Variants in FANCL observed in about 807,000 individuals in gnomAD.
The protein encoded by FANCL is FA complementation group L.
Under a neutral mutation model 59.4 loss-of-function variants are expected in FANCL, and 69 were observed. The observed-to-expected ratio is 1.16, with a 90% confidence interval of 0.96 to 1.42. FANCL has a LOEUF of 1.42. FANCL is among the 40% of genes most tolerant of loss of function. The probability of loss-of-function intolerance (pLI) is 0.00; values close to 1 mark genes in which losing one functional copy is unlikely to be tolerated. For synonymous variants in FANCL, 180 were observed against 147.1 expected, an observed-to-expected ratio of 1.22 and a Z score of -1.62; for missense variants, 519 against 447.2, an observed-to-expected ratio of 1.16 and a Z score of -1.45.
intron 5 of FANCL, among the ~76,000 whole-genome samples, chr2:58,205,296 T>G (rs890015737): frequency 1.3e-5 from 2 of 152,074 alleles, no homozygotes; most frequent in Non-Finnish European, 2.9e-5. Context: ...TCTGAAGATA[T>G]CTATCTTCAA....
At chr2:58,204,352 A>G in intron 5 of FANCL, 126 bp from the exon 6 acceptor site, 2 of 774,016 alleles carry the variant, frequency 2.6e-6, no homozygotes, top group Admixed American at 1.9e-5. Context: ...AAATCAGAGC[A>G]ATTTCTGCAT....
rs1684714907 is a variant in FANCL, at chr2:58,159,450, ATT to A, written c.*313_*314del. ...TCAGCTATACACAATTCCCAAACTC[ATT>A]TTATGAGCCTCATCAAGATTTTACC... On this transcript the variant is annotated 3_prime_UTR_variant, in exon 14 of 14. Transcript: ENST00000233741. 2 of 1,613,648 alleles carry A rather than the reference ATT, an allele frequency of 1.2e-6. No individual in the cohort carries two copies. Among genetic ancestry groups the A allele is most frequent in the Non-Finnish European group, 1.7e-6 (2 of 1,179,692 alleles).
chr2:58,232,937 C>G (rs1341475657), intron 1 of FANCL, among the ~76,000 whole-genome samples: 1 of 151,870 alleles, frequency 6.6e-6, no homozygotes, highest in African/African-American at 2.4e-5. Flanking sequence ...AAAACAATTA[C>G]CATGTGGAAT....
intron 5 of FANCL, among the ~76,000 whole-genome samples, chr2:58,205,059 CTTATAAAGATAAAAA>C (rs1690452256): frequency 6.6e-6 from 1 of 152,020 alleles, no homozygotes; most frequent in South Asian, 2.1e-4. Flanking sequence ...ATGCTATTCT[CTTATAAAGATAAAAA>C]GTAGTCTAAG....
Position 58,214,761 on chromosome 2 carries a change from C to T in FANCL, c.374+7181G>A, listed in dbSNP as rs551146891. 3.9e-5 allele frequency among the ~76,000 whole-genome samples: 6 copies of T among 152,218 alleles called. No homozygotes were observed. In the South Asian group the frequency reaches 8.3e-4, roughly 21 times the overall value. On this transcript the variant is annotated intron_variant, in intron 5 of 13. Coordinates refer to ENST00000233741, the MANE Select transcript of FANCL (RefSeq NM_018062.4). Reference sequence around the variant, plus strand: ...TCCTGAGCTCAAGTGATCTGCCCCACCTCAGCCCCCCAAAGTACTGGGATT... The same window carrying T: ...TCCTGAGCTCAAGTGATCTGCCCCATCTCAGCCCCCCAAAGTACTGGGATT...
chr2:58,221,548 T>G (rs918642770), intron 5 of FANCL, among the ~76,000 whole-genome samples: 3 of 152,168 alleles, frequency 2.0e-5, no homozygotes, highest in African/African-American at 7.2e-5. Flanking sequence ...ATATGTAAAT[T>G]TAGACATGCC....
chr2:58,164,573 C>T (rs867904428), intron 8 of FANCL, among the ~76,000 whole-genome samples: 10 of 151,556 alleles, frequency 6.6e-5, no homozygotes, highest in African/African-American at 2.4e-4. Flanking sequence ...CTTAAGAAAG[C>T]AAATCATGCC....
At chr2:58,189,175 G>C (rs1688690303) in intron 7 of FANCL, among the ~76,000 whole-genome samples, 2 of 152,118 alleles carry the variant, frequency 1.3e-5, no homozygotes, top group East Asian at 1.9e-4. Flanking sequence ...TTATTATCCT[G>C]ATTGTGGTGA....
At chr2:58,166,133 T>C (rs1354557726) in intron 7 of FANCL, among the ~76,000 whole-genome samples, 1 of 137,424 alleles carries the variant, frequency 7.3e-6, no homozygotes, top group African/African-American at 2.9e-5. Flanking sequence ...TTATAATGCT[T>C]GATATACTAC....
At chr2:58,183,217 A>C (rs1172030862) in intron 7 of FANCL, among the ~76,000 whole-genome samples, 1 of 151,910 alleles carries the variant, frequency 6.6e-6, no homozygotes, top group African/African-American at 2.4e-5. Context: ...GAAAAAAATG[A>C]ATAAAGACAT....
At chr2:58,235,688 A>C (rs1693947981) in intron 1 of FANCL, among the ~76,000 whole-genome samples, 1 of 152,100 alleles carries the variant, frequency 6.6e-6, no homozygotes, top group Non-Finnish European at 1.5e-5. Flanking sequence ...GAGAAAAATC[A>C]AGAGAGACAT....
At chr2:58,211,071 G>T (rs1177836582) in intron 5 of FANCL, among the ~76,000 whole-genome samples, 2 of 152,186 alleles carry the variant, frequency 1.3e-5, no homozygotes, top group Non-Finnish European at 2.9e-5. Context: ...CCTCAGTAGG[G>T]ACTCTGTGTG....
intron 7 of FANCL, among the ~76,000 whole-genome samples, chr2:58,193,313 T>C (rs137892912): frequency 1.1e-3 from 163 of 152,242 alleles, no homozygotes; most frequent in Admixed American, 1.8e-3. Flanking sequence ...ACCTCAATAC[T>C]ACTGCCTAAA....
At chr2:58,197,088 A>G (rs1170213529) in intron 7 of FANCL, among the ~76,000 whole-genome samples, 2 of 151,536 alleles carry the variant, frequency 1.3e-5, no homozygotes, top group African/African-American at 2.4e-5. Context: ...CCAAAAGCAA[A>G]TTACAGGCTC....
chr2:58,165,827 T>C lies in FANCL; in HGVS notation c.588A>G (p.Ser196=). ...CCATAACATCCCAGAATGCCTTTAG[T>C]GATTCTATTGCTGCCAAAAACTGAC... ...IYSQFLAAIE[S]LKAFWDVMDE... Residue 196 remains serine, a synonymous_variant, in exon 8 of 14, where the codon TCA becomes TCG. Transcript: ENST00000233741. 1 of 1,614,092 alleles carries C rather than the reference T, an allele frequency of 6.2e-7. No homozygotes were observed. The highest frequency in any genetic ancestry group is 8.5e-7 in the Non-Finnish European group (1 of 1,179,960).
At chr2:58,183,877 AATC>A (rs1189244031) in intron 7 of FANCL, among the ~76,000 whole-genome samples, 3 of 152,004 alleles carry the variant, frequency 2.0e-5, no homozygotes, top group Non-Finnish European at 4.4e-5. Context: ...TTTGCAAGGA[AATC>A]ACAGCTCTCA....
At chr2:58,226,329 T>A (rs28391566) in intron 4 of FANCL, among the ~76,000 whole-genome samples, 1 of 152,188 alleles carries the variant, frequency 6.6e-6, no homozygotes, top group African/African-American at 2.4e-5. Context: ...ACAGTATACA[T>A]AAAATGAAGC....
At chr2:58,207,081 G>A (rs1690659068) in intron 5 of FANCL, among the ~76,000 whole-genome samples, 1 of 152,162 alleles carries the variant, frequency 6.6e-6, no homozygotes, top group South Asian at 2.1e-4. Context: ...GCAAGGAGGT[G>A]TTGGCATATA....
intron 1 of FANCL, 34 bp downstream of exon 1, chr2:58,241,182 GCT>G (rs1192329305): frequency 1.9e-6 from 3 of 1,604,282 alleles, no homozygotes; most frequent in Non-Finnish European, 2.6e-6. Context: ...GCTGCAAGAG[GCT>G]CTCTTAGCTA....
Sources: gnomAD v4.1 joint callset for allele counts (sites outside exome capture counted in the v4.1 genomes callset) on GRCh38, gnomAD v4.1.1 for gene constraint, MANE v1.5 for transcripts, NCBI Gene and HGNC (gene_info 2026-07-23, HGNC 2026-07-21) for gene names.